The following ATG7 variants were observed in gnomAD, a reference collection of about 807,000 sequenced individuals.
ATG7 encodes the protein autophagy related 7, also known as ubiquitin-like modifier-activating enzyme ATG7.
ATG7 carries 70 observed loss-of-function variants against 82.4 expected under a neutral mutation model. That is an observed-to-expected ratio of 0.85 (90% confidence interval 0.70 to 1.04). The LOEUF is 1.04. Ranked by LOEUF, ATG7 falls within the 50% of genes least tolerant of loss-of-function variation. The pLI is 0.00. For missense variants in ATG7, 792 were observed against 864.3 expected, an observed-to-expected ratio of 0.92 and a Z score of 1.05; for synonymous variants, 287 against 313.0, an observed-to-expected ratio of 0.92 and a Z score of 0.88.
intron 20 of ATG7, among the ~76,000 whole-genome samples, chr3:11,470,668 G>A (rs760899082): frequency 1.3e-5 from 2 of 152,172 alleles, no homozygotes; most frequent in African/African-American, 2.4e-5. Context: ...AGGTGTGTCA[G>A]TGAACAGGTC....
intron 20 of ATG7, among the ~76,000 whole-genome samples, chr3:11,525,065 C>T (rs902966700): frequency 6.7e-6 from 1 of 150,038 alleles, no homozygotes; most frequent in African/African-American, 2.5e-5. Flanking sequence ...ATTTTTGAGA[C>T]TGGCTCTGTC....
chr3:11,495,492 C>T (rs1160901241), intron 20 of ATG7, among the ~76,000 whole-genome samples: 4 of 152,168 alleles, frequency 2.6e-5, no homozygotes, highest in Admixed American at 2.0e-4. Flanking sequence ...CAACTCCCTG[C>T]GCTGTTGGTC....
chr3:11,463,622 T>A (rs75675057), intron 20 of ATG7, among the ~76,000 whole-genome samples: 1 of 151,928 alleles, frequency 6.6e-6, no homozygotes, highest in Non-Finnish European at 1.5e-5. Context: ...TTATCATAGG[T>A]GGAGAGTGTT....
intron 20 of ATG7, among the ~76,000 whole-genome samples, chr3:11,509,857 A>G (rs1252414892): frequency 6.6e-6 from 1 of 152,196 alleles, no homozygotes; most frequent in East Asian, 1.9e-4. Flanking sequence ...CCCATAAATC[A>G]GGCAGCCAGC....
intron 19 of ATG7, among the ~76,000 whole-genome samples, chr3:11,387,978 C>A (rs895824597): frequency 3.9e-5 from 6 of 152,084 alleles, no homozygotes; most frequent in African/African-American, 1.2e-4. Context: ...TGCAAAGCCA[C>A]ACAGTTTTAC....
chr3:11,328,919 T>G (rs1951253612), intron 9 of ATG7, among the ~76,000 whole-genome samples: 1 of 152,160 alleles, frequency 6.6e-6, no homozygotes, highest in Non-Finnish European at 1.5e-5. Context: ...TAACCCCGTC[T>G]CTACTGAAAA....
At chr3:11,313,522 C>A in intron 8 of ATG7, 102 bp downstream of exon 8, 1 of 762,128 alleles carries the variant, frequency 1.3e-6, no homozygotes, top group Non-Finnish European at 2.1e-6. Flanking sequence ...TGGATGAAGA[C>A]GTGGTAACTG....
Position 11,332,987 on chromosome 3 carries a change from G to A in ATG7, c.783G>A (p.Gln261=). 2.6e-6 allele frequency: 4 copies of A among 1,548,584 alleles called. No homozygotes were observed. The highest frequency in any genetic ancestry group is 3.5e-6 in the Non-Finnish European group (4 of 1,147,874). The stretch of plus-strand genomic sequence containing the variant: ...ATGACAACAGGAGTAGCAGTTTCCA[G>A]TCTGTTGAAGTTGTTTGCTTCCGTG... ...LAAHRWSSSF[Q]SVEVVCFRDR... The change falls in exon 11 of 21, where the codon CAG becomes CAA. Residue 261 remains glutamine (Q), a synonymous_variant. Transcript: ENST00000693202.
chr3:11,382,969 A>AGAGTAAG (rs1273378413), intron 19 of ATG7, among the ~76,000 whole-genome samples: 1 of 152,046 alleles, frequency 6.6e-6, no homozygotes, highest in African/African-American at 2.4e-5. Context: ...TGAAATTTTG[A>AGAGTAAG]GAGTAAGTTG....
intron 7 of ATG7, among the ~76,000 whole-genome samples, chr3:11,310,532 T>C (rs1440623064): frequency 6.6e-6 from 1 of 152,266 alleles, no homozygotes; most frequent in African/African-American, 2.4e-5. Context: ...TAATGCTTTC[T>C]ATGTAATAGT....
At chr3:11,523,974 G>C (rs2092508791) in intron 20 of ATG7, among the ~76,000 whole-genome samples, 1 of 152,220 alleles carries the variant, frequency 6.6e-6, no homozygotes, top group South Asian at 2.1e-4. Flanking sequence ...ATTGCGCTCT[G>C]CATGTTGACA....
intron 16 of ATG7, among the ~76,000 whole-genome samples, chr3:11,361,715 A>G (rs1024296252): frequency 6.6e-6 from 1 of 152,222 alleles, no homozygotes; most frequent in Non-Finnish European, 1.5e-5. Flanking sequence ...AGAGGAGGGA[A>G]GAATACCTGC....
In ATG7 at chr3:11,429,155, T is replaced by G. The variant is rs188496020; in HGVS notation, c.2079+2229T>G. Among the ~76,000 whole-genome samples the G allele has an allele frequency of 2.1e-3, 323 of 152,316 alleles. 7 individuals carry two copies. The highest frequency in any genetic ancestry group is 0.019 in the Admixed American group (291 of 15,294). On this transcript the variant is annotated intron_variant, in intron 20 of 20. Transcript: ENST00000693202. ...ATACGGCTTGCAGGTATGTATTTTT[T>G]GGCCTGCCCAGTTTGTTAAATTCTG... is the stretch of plus-strand genomic sequence containing the variant.
At position 11,342,223 on chromosome 3, in the gene ATG7, A is replaced by T; in HGVS notation, c.1069A>T (p.Lys357Ter). The T allele has an allele frequency of 1.9e-6, 3 of 1,613,702 alleles. No homozygotes were observed. The highest frequency in any genetic ancestry group is 2.5e-6 in the Non-Finnish European group (3 of 1,180,000). Residue 357 changes from lysine to a stop codon, truncating the protein, a stop_gained, in exon 13 of 21, where the codon AAA (lysine) becomes TAA (stop). Transcript: ENST00000693202. LOFTEE classifies it high-confidence loss of function. ...TLDLDKVVSVKCLLLGAGTLG... is the reference protein window; with the variant it reads ...TLDLDKVVSV ...AGACTTGGACAAGGTTGTGTCTGTCAAATGTCTGCTGCTTGGAGCCGGCAC... is the reference window on the plus strand; with the variant it reads ...AGACTTGGACAAGGTTGTGTCTGTCTAATGTCTGCTGCTTGGAGCCGGCAC...
intron 9 of ATG7, among the ~76,000 whole-genome samples, chr3:11,320,241 G>T (rs1288175715): frequency 2.0e-5 from 3 of 151,322 alleles, no homozygotes; most frequent in Non-Finnish European, 4.4e-5. Context: ...TCTATAAAAA[G>T]GTTTATTCCT....
chr3:11,408,786 A>G (rs1489891349), intron 19 of ATG7, among the ~76,000 whole-genome samples: 1 of 152,200 alleles, frequency 6.6e-6, no homozygotes, highest in Non-Finnish European at 1.5e-5. Context: ...GTAGTCTCCC[A>G]CTGGGTCCTT....
At chr3:11,539,579 G>A (rs1473414129) in intron 20 of ATG7, among the ~76,000 whole-genome samples, 1 of 152,288 alleles carries the variant, frequency 6.6e-6, no homozygotes, top group African/African-American at 2.4e-5. Flanking sequence ...CTGGCGGGGG[G>A]TCGCCCACTT....
chr3:11,534,448 G>T (rs1193571452), intron 20 of ATG7, among the ~76,000 whole-genome samples: 1 of 152,256 alleles, frequency 6.6e-6, no homozygotes, highest in Non-Finnish European at 1.5e-5. Flanking sequence ...TCACAGGCAG[G>T]TCCTGTGTTG....
chr3:11,378,549 G>A (rs1434057511), intron 18 of ATG7, among the ~76,000 whole-genome samples: 1 of 151,270 alleles, frequency 6.6e-6, no homozygotes, highest in Non-Finnish European at 1.5e-5. Context: ...GCTGGGTGTG[G>A]TGGTGGGCGC....
Sources: allele counts gnomAD v4.1 joint callset (sites outside exome capture counted in the v4.1 genomes callset), GRCh38; gene constraint gnomAD v4.1.1; transcripts MANE v1.5; gene names NCBI Gene and HGNC (gene_info 2026-07-23, HGNC 2026-07-21).